Variants in EGFLAM observed in about 807,000 individuals in gnomAD.
EGFLAM encodes EGF like, fibronectin type III and laminin G domains.
Under a neutral mutation model 113.1 loss-of-function variants are expected in EGFLAM, and 79 were observed. The ratio of observed to expected loss-of-function variants is 0.70; its 90% CI spans 0.58 to 0.84. The LOEUF (loss-of-function observed/expected upper bound fraction) is 0.84. Among genes scored for constraint, EGFLAM ranks in the 40% least tolerant of loss-of-function variants. EGFLAM has a pLI of 0.00. For missense variants in EGFLAM, 1,265 were observed against 1,291.6 expected (o/e 0.98, Z 0.32); for synonymous variants, 504 against 487.6 (o/e 1.03, Z -0.44).
chr5:38,332,030 T>G (rs905895984), intron 1 of EGFLAM, among the ~76,000 whole-genome samples: 1 of 152,232 alleles, frequency 6.6e-6, no homozygotes, highest in Non-Finnish European at 1.5e-5. Flanking sequence ...TGTACCATTT[T>G]GCATTCCCAC....
intron 1 of EGFLAM, among the ~76,000 whole-genome samples, chr5:38,271,302 AGATGCTATTTCTAT>A (rs1241493949): frequency 2.0e-5 from 3 of 152,180 alleles, no homozygotes; most frequent in Non-Finnish European, 4.4e-5. Flanking sequence ...TAAATGTAAA[AGATGCTATTTCTAT>A]GATGTGTTCT....
intron 12 of EGFLAM, among the ~76,000 whole-genome samples, chr5:38,422,064 G>A (rs1473723759): frequency 1.3e-5 from 2 of 152,004 alleles, no homozygotes; most frequent in African/African-American, 2.4e-5. Context: ...AAAATAGGTG[G>A]GCCTCGGTTA....
intron 17 of EGFLAM, among the ~76,000 whole-genome samples, chr5:38,441,593 TACACACACACACAC>T (rs3048229): frequency 4.4e-4 from 65 of 147,660 alleles, no homozygotes; most frequent in African/African-American, 1.5e-3. Flanking sequence ...CGCTGCTTTG[TACACACACACACAC>T]ACACACACAC....
intron 6 of EGFLAM, among the ~76,000 whole-genome samples, chr5:38,404,344 A>C (rs538090490): frequency 6.6e-6 from 1 of 152,308 alleles, no homozygotes; most frequent in South Asian, 2.1e-4. Flanking sequence ...CTTATTAAAG[A>C]GGCCCAAAGG....
At chr5:38,454,432 T>C (rs765910253) in intron 19 of EGFLAM, among the ~76,000 whole-genome samples, 5 of 152,142 alleles carry the variant, frequency 3.3e-5, no homozygotes, top group Non-Finnish European at 7.3e-5. Context: ...CTGTAAAGAT[T>C]AAATGAATGA....
intron 16 of EGFLAM, among the ~76,000 whole-genome samples, chr5:38,436,775 A>C (rs1742364566): frequency 6.6e-6 from 1 of 152,198 alleles, no homozygotes; most frequent in African/African-American, 2.4e-5. Context: ...GGCTTGTCTC[A>C]GCACATATTA....
At chr5:38,398,923 T>C (rs539812320) in intron 6 of EGFLAM, among the ~76,000 whole-genome samples, 1 of 150,836 alleles carries the variant, frequency 6.6e-6, no homozygotes, top group Admixed American at 6.5e-5. Context: ...ATAGCACTTT[T>C]TTTGGCCCAC....
At chr5:38,453,142 G>T (rs1250772804) in intron 19 of EGFLAM, among the ~76,000 whole-genome samples, 1 of 152,168 alleles carries the variant, frequency 6.6e-6, no homozygotes, top group African/African-American at 2.4e-5. Flanking sequence ...AAACACTCTA[G>T]GGGTGGGGTC....
At position 38,390,622 on chromosome 5, in the gene EGFLAM, C is replaced by T. The variant is rs548940699; in HGVS notation, c.713-15504C>T. ...TCTTCACTCCTGCTGACAGTATATT[C>T]GAAGTTCTTACTCCACATCCTTGTC... On this transcript the variant is annotated intron_variant, in intron 6 of 21. Coordinates refer to ENST00000322350, the MANE Select transcript of EGFLAM (RefSeq NM_152403.4). Among the ~76,000 whole-genome samples, 85 of 152,256 alleles carry T rather than the reference C, an allele frequency of 5.6e-4. 1 individual carries two copies. Among genetic ancestry groups the T allele is most frequent in the Non-Finnish European group, 7.8e-4 (53 of 68,024 alleles).
At position 38,417,356 on chromosome 5, in the gene EGFLAM, A is replaced by AC. The variant is rs1225445351; in HGVS notation, c.1495-710_1495-709insC. On this transcript the variant is annotated intron_variant, in intron 11 of 21. Transcript: ENST00000322350. Reference sequence around the variant, plus strand: ...GAGCGAGACTCTGTCTCAAAAAAAAAAAAAAAAAAAAAACAAAAAAAAAAG... The same window carrying AC: ...GAGCGAGACTCTGTCTCAAAAAAAAACAAAAAAAAAAAAACAAAAAAAAAAG... 4.4e-3 allele frequency among the ~76,000 whole-genome samples: 548 copies of AC among 124,932 alleles called. 6 individuals carry two copies. Among genetic ancestry groups the AC allele is most frequent in the African/African-American group, 0.013 (493 of 38,160 alleles). The allele number at this position is 124,932 out of a possible 152,430, so 82.0% of individuals were successfully genotyped here.
At chr5:38,292,242 A>G (rs890125750) in intron 1 of EGFLAM, among the ~76,000 whole-genome samples, 2 of 152,174 alleles carry the variant, frequency 1.3e-5, no homozygotes, top group Admixed American at 1.3e-4. Context: ...TTATAAGTTA[A>G]TTATACAGTA....
intron 1 of EGFLAM, among the ~76,000 whole-genome samples, chr5:38,306,977 G>A (rs561407918): frequency 3.3e-5 from 5 of 152,234 alleles, no homozygotes; most frequent in African/African-American, 4.8e-5. Context: ...GCCCTGGATC[G>A]CTAGCCCCGG....
intron 5 of EGFLAM, among the ~76,000 whole-genome samples, chr5:38,360,614 A>G (rs1739894270): frequency 6.6e-6 from 1 of 152,168 alleles, no homozygotes; most frequent in Non-Finnish European, 1.5e-5. Context: ...CTCTGGCCTC[A>G]GACAACAGAA....
chr5:38,282,884 ACCCAGGCTGGAGTTCAGTGGTG>A (rs1053624653), intron 1 of EGFLAM, among the ~76,000 whole-genome samples: 3 of 152,000 alleles, frequency 2.0e-5, no homozygotes, highest in Non-Finnish European at 4.4e-5. Context: ...TTCTTCTGTC[ACCCAGGCTGGAGTTCAGTGGTG>A]CAATCAGGGC....
chr5:38,282,580 A>C (rs1758046263), intron 1 of EGFLAM: 1 of 152,224 alleles, frequency 6.6e-6, no homozygotes, highest in African/African-American at 2.4e-5. Flanking sequence ...ACCCTCAGGC[A>C]AAAAGTTGCA....
At chr5:38,346,330 A>G (rs955105984) in intron 3 of EGFLAM, among the ~76,000 whole-genome samples, 2 of 152,232 alleles carry the variant, frequency 1.3e-5, no homozygotes, top group African/African-American at 4.8e-5. Flanking sequence ...AACATTATTT[A>G]ATATTTTTTG....
At position 38,266,954 on chromosome 5, in the gene EGFLAM, A is replaced by G. The variant is rs79507383; in HGVS notation, c.97+8103A>G. Among the ~76,000 whole-genome samples the G allele has an allele frequency of 3.7e-4, 57 of 152,324 alleles. 1 individual carries two copies. In the East Asian group the frequency reaches 6.8e-3, roughly 18 times the overall value. On this transcript the variant is annotated intron_variant, in intron 1 of 21. Transcript: ENST00000322350. ...ACCGGGCTCACTCAGTCCATTTCCT[A>G]TTGATGTTTCCTCAGCTGGAAAGAG...
At chr5:38,285,884 C>A (rs114789333) in intron 1 of EGFLAM, 1 of 152,112 alleles carries the variant, frequency 6.6e-6, no homozygotes, top group South Asian at 2.1e-4. Flanking sequence ...GATTCAATCA[C>A]CTCCGTCCCA....
chr5:38,272,703 G>T (rs989624057), intron 1 of EGFLAM, among the ~76,000 whole-genome samples: 1 of 152,074 alleles, frequency 6.6e-6, no homozygotes, highest in Admixed American at 6.6e-5. Context: ...AAGTCCTATT[G>T]AAAGCAACCA....
Sources: allele counts gnomAD v4.1 joint callset (sites outside exome capture counted in the v4.1 genomes callset), GRCh38; gene constraint gnomAD v4.1.1; transcripts MANE v1.5; gene names NCBI Gene and HGNC (gene_info 2026-07-23, HGNC 2026-07-21).